The following ZNF251 variants were observed in gnomAD, a reference collection of about 807,000 sequenced individuals.
ZNF251 encodes zinc finger protein 251.
A neutral mutation model predicts 13.5 loss-of-function variants in ZNF251; 14 were observed. The observed-to-expected ratio is 1.04, with a 90% CI of 0.69 to 1.63. The LOEUF is 1.63. ZNF251 is among the 40% of genes most tolerant of loss of function. ZNF251 has a pLI of 0.00. For missense variants in ZNF251, 764 were observed against 834.9 expected (o/e 0.92, Z 1.05); for synonymous variants, 287 against 295.2 (o/e 0.97, Z 0.28).
At chr8:144,743,484 T>C (rs1458517223) in intron 4 of ZNF251, among the ~76,000 whole-genome samples, 1 of 152,244 alleles carries the variant, frequency 6.6e-6, no homozygotes, top group Admixed American at 6.5e-5. Context: ...TATGAAATTA[T>C]GAATAAGGTT....
intron 4 of ZNF251, among the ~76,000 whole-genome samples, chr8:144,729,632 G>A (rs1432626876): frequency 1.3e-5 from 2 of 150,118 alleles, no homozygotes; most frequent in Admixed American, 1.3e-4. Flanking sequence ...TACCGCACCC[G>A]GCCTAAGATT....
intron 4 of ZNF251, among the ~76,000 whole-genome samples, chr8:144,739,442 C>T (rs1450777119): frequency 6.6e-6 from 1 of 152,182 alleles, no homozygotes; most frequent in Non-Finnish European, 1.5e-5. Flanking sequence ...AAAGGGTTGC[C>T]TCTGTCCAAC....
chr8:144,751,811 G>A (rs1824706300), intron 4 of ZNF251, among the ~76,000 whole-genome samples: 2 of 152,130 alleles, frequency 1.3e-5, no homozygotes, highest in African/African-American at 4.8e-5. Context: ...TATGATATCT[G>A]CAAGAGATTC....
chr8:144,723,794 G>A (rs1823439298), intron 4 of ZNF251, among the ~76,000 whole-genome samples: 1 of 152,188 alleles, frequency 6.6e-6, no homozygotes, highest in African/African-American at 2.4e-5. Context: ...GTGTAAATGT[G>A]TTATTGGCCC....
In ZNF251 at chr8:144,721,777, C is replaced by CCA; in HGVS notation, c.1881_1882dup (p.Gly628ValfsTer25). The CCA allele has an allele frequency of 6.8e-7, 1 of 1,477,948 alleles. No individual in the cohort carries two copies. Among genetic ancestry groups the CCA allele is most frequent in the South Asian group, 1.6e-5 (1 of 62,494 alleles). The allele number at this position is 1,477,948 out of a possible 1,614,324, so 91.6% of individuals were successfully genotyped here. A position where few individuals can be genotyped will look rare whatever the true frequency, so the allele number is the denominator to read the frequency against. The stretch of plus-strand genomic sequence containing the variant: ...CTGTGAACTCTGGCTGAAGGCTTTC[C>CCA]CATACACACTGCAATGACATGGTTT... On this transcript the variant is annotated frameshift_variant, in exon 5 of 5. Transcript: ENST00000292562. LOFTEE classifies it low-confidence loss of function (END_TRUNC).
chr8:144,732,541 G>A lies in ZNF251; in HGVS notation c.278-9159C>T, dbSNP rs369848417. On this transcript the variant is annotated intron_variant, in intron 4 of 4. Coordinates refer to ENST00000292562, the MANE Select transcript of ZNF251 (RefSeq NM_138367.2). ...CATTAGACTGAGCCAAGCCGGGCGCGGTGGCTCACGCCTGTAATCCCAGCA... is the reference window on the plus strand; with the variant it reads ...CATTAGACTGAGCCAAGCCGGGCGCAGTGGCTCACGCCTGTAATCCCAGCA... 1.5e-3 allele frequency among the ~76,000 whole-genome samples: 224 copies of A among 152,302 alleles called. 1 individual carries two copies. The highest frequency in any genetic ancestry group is 6.8e-3 in the Middle Eastern group (2 of 294).
intron 4 of ZNF251, among the ~76,000 whole-genome samples, chr8:144,739,328 C>T (rs1441716738): frequency 6.8e-6 from 1 of 147,122 alleles, no homozygotes; most frequent in Non-Finnish European, 1.5e-5. Flanking sequence ...GATCACAAAT[C>T]ATGACTCCAC....
intron 4 of ZNF251, chr8:144,729,957 T>C (rs1823644851): frequency 2.7e-6 from 2 of 730,050 alleles, no homozygotes; most frequent in Non-Finnish European, 3.4e-6. Flanking sequence ...ATTGTAACAG[T>C]TTCTCAACAT....
At chr8:144,754,550 C>G in intron 2 of ZNF251, 146 bp downstream of exon 2, 1 of 1,452,332 alleles carries the variant, frequency 6.9e-7, no homozygotes, top group Non-Finnish European at 9.1e-7. Flanking sequence ...GAGGGCGAGT[C>G]TACCTCTCAG....
intron 4 of ZNF251, among the ~76,000 whole-genome samples, chr8:144,733,943 G>A (rs1823992708): frequency 6.6e-6 from 1 of 152,216 alleles, no homozygotes; most frequent in Non-Finnish European, 1.5e-5. Flanking sequence ...TAAAATCACC[G>A]CCAGTGGGGA....
At chr8:144,724,916 G>A (rs1346382202) in intron 4 of ZNF251, among the ~76,000 whole-genome samples, 3 of 152,100 alleles carry the variant, frequency 2.0e-5, no homozygotes, top group African/African-American at 7.2e-5. Flanking sequence ...AAGCCATCTG[G>A]GCTTGGCATT....
intron 4 of ZNF251, among the ~76,000 whole-genome samples, chr8:144,741,363 TACACACACTC>T (rs1037441387): frequency 1.2e-4 from 18 of 152,150 alleles, no homozygotes; most frequent in African/African-American, 2.4e-4. Flanking sequence ...CACACACTCA[TACACACACTC>T]ACACACACTC....
Position 144,734,935 on chromosome 8 carries a change from G to A in ZNF251, c.278-11553C>T, listed in dbSNP as rs975603181. 2.6e-5 allele frequency among the ~76,000 whole-genome samples: 4 copies of A among 151,956 alleles called. No homozygotes were observed. The highest frequency in any genetic ancestry group is 6.6e-5 in the Admixed American group (1 of 15,244). Reference sequence around the variant, plus strand: ...CTAAAAATACAAAAATTAGCCAGACGTGGTGGTGCATGCCTGTGATCCCAG... The same window carrying A: ...CTAAAAATACAAAAATTAGCCAGACATGGTGGTGCATGCCTGTGATCCCAG... On this transcript the variant is annotated intron_variant, in intron 4 of 4. Transcript: ENST00000292562. This position sits in a 1 kb window ranked among gnomAD's most constrained non-coding sequence, Gnocchi z 4.4.
chr8:144,748,203 A>AG (rs1249198116), intron 4 of ZNF251, among the ~76,000 whole-genome samples: 2 of 151,858 alleles, frequency 1.3e-5, no homozygotes, highest in East Asian at 3.9e-4. Context: ...TCTCTTGAGT[A>AG]GGGGGGATTA....
At chr8:144,750,849 T>TC (rs1824659083) in intron 4 of ZNF251, among the ~76,000 whole-genome samples, 1 of 151,686 alleles carries the variant, frequency 6.6e-6, no homozygotes, top group South Asian at 2.1e-4. Context: ...CTCCAGAGTT[T>TC]TTTTTTTTTC....
intron 4 of ZNF251, among the ~76,000 whole-genome samples, chr8:144,751,804 G>T (rs1563772069): frequency 6.6e-6 from 1 of 152,152 alleles, no homozygotes; most frequent in Non-Finnish European, 1.5e-5. Context: ...CCAATTGTAT[G>T]ATATCTGCAA....
intron 4 of ZNF251, among the ~76,000 whole-genome samples, chr8:144,750,400 C>G (rs1824639103): frequency 6.6e-6 from 1 of 152,168 alleles, no homozygotes; most frequent in South Asian, 2.1e-4. Flanking sequence ...CAGCTTCCCC[C>G]ACCTGCCATT....
chr8:144,745,807 C>T (rs1176741189), intron 4 of ZNF251, among the ~76,000 whole-genome samples: 1 of 152,082 alleles, frequency 6.6e-6, no homozygotes, highest in Non-Finnish European at 1.5e-5. Flanking sequence ...CCTTAGCCTC[C>T]CAAAGTGCTG....
At chr8:144,731,694 C>G (rs1459302949) in intron 4 of ZNF251, among the ~76,000 whole-genome samples, 1 of 152,250 alleles carries the variant, frequency 6.6e-6, no homozygotes, top group African/African-American at 2.4e-5. Context: ...TCAAGCAACT[C>G]TCCTGCCTCA....
Sources: gnomAD v4.1 joint callset for allele counts (sites outside exome capture counted in the v4.1 genomes callset) on GRCh38, gnomAD v4.1.1 for gene constraint, Gnocchi (gnomAD v3.1) non-coding constraint, MANE v1.5 for transcripts, NCBI Gene and HGNC (gene_info 2026-07-23, HGNC 2026-07-21) for gene names.